Variants in KIRREL3 observed in about 807,000 individuals in gnomAD.
KIRREL3 encodes kin of IRRE-like protein 3.
Under a neutral mutation model 89.7 loss-of-function variants are expected in KIRREL3, and 36 were observed. That is an observed-to-expected ratio of 0.40 (90% confidence interval 0.31 to 0.53). The LOEUF (loss-of-function observed/expected upper bound fraction) is 0.53, where lower values mean the gene tolerates loss of function less well. Among genes scored for constraint, KIRREL3 ranks in the 20% least tolerant of loss-of-function variants. The pLI is 0.49. For synonymous variants in KIRREL3, 445 were observed against 441.4 expected (o/e 1.01, Z -0.10); for missense variants, 864 against 1,056.6 (o/e 0.82, Z 2.53).
chr11:126,951,019 A>G (rs187016349), intron 1 of KIRREL3, among the ~76,000 whole-genome samples: 1 of 152,386 alleles, frequency 6.6e-6, no homozygotes, highest in Admixed American at 6.5e-5. Context: ...GGATGTGGAC[A>G]GCAGACAGAA....
chr11:126,858,436 A>G (rs1338262606), intron 1 of KIRREL3, among the ~76,000 whole-genome samples: 2 of 152,168 alleles, frequency 1.3e-5, no homozygotes, highest in African/African-American at 2.4e-5. Context: ...TATGCTTGCC[A>G]TTGGGTGCTG....
In KIRREL3 at chr11:126,994,030, T is replaced by C. The variant is rs1466240665; in HGVS notation, c.55+6425A>G. ...TATACTGACATACATAGGCCATCCA[T>C]TGCAGTTTTAGTTTCAATTATCAAA... On this transcript the variant is annotated intron_variant, in intron 1 of 16. Coordinates refer to ENST00000525144, the MANE Select transcript of KIRREL3 (RefSeq NM_032531.4). The surrounding 1 kb of genome is among the most constrained non-coding windows in gnomAD (Gnocchi z 5.2). Among the ~76,000 whole-genome samples, 1 of 151,682 alleles carries C rather than the reference T, an allele frequency of 6.6e-6. No homozygotes were observed. The highest frequency in any genetic ancestry group is 1.9e-4 in the East Asian group (1 of 5,180).
In KIRREL3 at chr11:126,747,830, G is replaced by T. The variant is rs896361388; in HGVS notation, c.56-184918C>A. Among the ~76,000 whole-genome samples the T allele has an allele frequency of 2.0e-5, 3 of 152,070 alleles. No homozygotes were observed. Among genetic ancestry groups the T allele is most frequent in the African/African-American group, 7.2e-5 (3 of 41,388 alleles). On this transcript the variant is annotated intron_variant, in intron 1 of 16. Coordinates refer to ENST00000525144, the MANE Select transcript of KIRREL3 (RefSeq NM_032531.4). This position sits in a 1 kb window ranked among gnomAD's most constrained non-coding sequence, Gnocchi z 4.7. Reference sequence around the variant, plus strand: ...CCTCTGCTTGGCAGAGCTGTCCTTTGTAGAAGTGATTCTCAGTGGCCCTTG... The same window carrying T: ...CCTCTGCTTGGCAGAGCTGTCCTTTTTAGAAGTGATTCTCAGTGGCCCTTG...
In KIRREL3 at chr11:126,537,468, G is replaced by A. The variant is rs73633793; in HGVS notation, c.134-10781C>T. 6.4e-3 allele frequency among the ~76,000 whole-genome samples: 972 copies of A among 152,302 alleles called. 12 individuals are homozygous for A. The highest frequency in any genetic ancestry group is 0.022 in the African/African-American group (912 of 41,564). ...CCTGGAGGAGGAATCATAATATGGG[G>A]AAAGTAATGGAGGAGAAATGTCATT... On this transcript the variant is annotated intron_variant, in intron 2 of 16. Transcript: ENST00000525144. This position sits in a 1 kb window ranked among gnomAD's most constrained non-coding sequence, Gnocchi z 4.3.
At chr11:126,962,361 T>C (rs953294061) in intron 1 of KIRREL3, among the ~76,000 whole-genome samples, 3 of 152,156 alleles carry the variant, frequency 2.0e-5, no homozygotes, top group Admixed American at 6.5e-5. Context: ...ATTCCAATCC[T>C]CACGGATGAC....
intron 1 of KIRREL3, among the ~76,000 whole-genome samples, chr11:126,945,702 A>G (rs867833518): frequency 1.3e-5 from 2 of 152,098 alleles, no homozygotes; most frequent in African/African-American, 2.4e-5. Context: ...GTTTCCTTAT[A>G]ATGGCGGGAA....
rs1948948700 is a variant in KIRREL3, at chr11:126,740,611, C to T, written c.56-177699G>A. On this transcript the variant is annotated intron_variant, in intron 1 of 16. Transcript: ENST00000525144. The surrounding 1 kb of genome is among the most constrained non-coding windows in gnomAD (Gnocchi z 6.0). ...TCCCCTTTTGTCTTGAGAGGGAAGG[C>T]CAATAAGATAATAATCCCTTAGCTT... is the stretch of plus-strand genomic sequence containing the variant. 6.6e-6 allele frequency among the ~76,000 whole-genome samples: 1 copy of T among 151,968 alleles called. No individual in the cohort carries two copies. The highest frequency in any genetic ancestry group is 6.6e-5 in the Admixed American group (1 of 15,258).
chr11:126,631,821 T>A (rs1282882748), intron 1 of KIRREL3, among the ~76,000 whole-genome samples: 1 of 152,234 alleles, frequency 6.6e-6, no homozygotes, highest in Non-Finnish European at 1.5e-5. Flanking sequence ...TCTGTGAGGC[T>A]ATATAACTTC....
At chr11:126,502,216 G>C (rs766448883) in intron 4 of KIRREL3, among the ~76,000 whole-genome samples, 1 of 152,160 alleles carries the variant, frequency 6.6e-6, no homozygotes, top group Non-Finnish European at 1.5e-5. Context: ...CACTTGAAAA[G>C]GGTCTCACCT....
At chr11:126,702,193 G>C (rs1947337515) in intron 1 of KIRREL3, among the ~76,000 whole-genome samples, 1 of 152,176 alleles carries the variant, frequency 6.6e-6, no homozygotes, top group African/African-American at 2.4e-5. Context: ...TTGTAGACCT[G>C]TTGTGAGAAT....
chr11:126,734,895 G>T lies in KIRREL3; in HGVS notation c.56-171983C>A, dbSNP rs1810748836. Among the ~76,000 whole-genome samples, 1 of 152,164 alleles carries T rather than the reference G, an allele frequency of 6.6e-6. No homozygotes were observed. The highest frequency in any genetic ancestry group is 1.5e-5 in the Non-Finnish European group (1 of 68,026). On this transcript the variant is annotated intron_variant, in intron 1 of 16. Coordinates refer to ENST00000525144, the MANE Select transcript of KIRREL3 (RefSeq NM_032531.4). The surrounding 1 kb of genome is among the most constrained non-coding windows in gnomAD (Gnocchi z 5.9). The stretch of plus-strand genomic sequence containing the variant: ...GGGAGGACAGTGTTAATTGTGGCAG[G>T]ATGGGGTTTGTGGTTGGAACGGTGC...
intron 1 of KIRREL3, among the ~76,000 whole-genome samples, chr11:126,986,441 T>C (rs1949868583): frequency 6.6e-6 from 1 of 152,142 alleles, no homozygotes; most frequent in Non-Finnish European, 1.5e-5. Flanking sequence ...AAACAGAAAA[T>C]CTATCCTTTA....
At position 126,491,050 on chromosome 11, in the gene KIRREL3, T is replaced by C. The variant is rs545636530; in HGVS notation, c.434-17584A>G. On this transcript the variant is annotated intron_variant, in intron 4 of 16. Transcript: ENST00000525144. This position sits in a 1 kb window ranked among gnomAD's most constrained non-coding sequence, Gnocchi z 5.5. The stretch of plus-strand genomic sequence containing the variant: ...TCTGGATTTTGGGTCCATCCCGTAG[T>C]GGAAAGGGGTCCTATGTGAACAGAA... 6.6e-6 allele frequency among the ~76,000 whole-genome samples: 1 copy of C among 152,224 alleles called. No homozygotes were observed. The highest frequency in any genetic ancestry group is 1.9e-4 in the East Asian group (1 of 5,170).
rs1957042201 is a variant in KIRREL3, at chr11:126,475,625, G to GAGGCCTGCTCCCACACTAACA, written c.434-2160_434-2159insTGTTAGTGTGGGAGCAGGCCT. ...CCTCAGGCAACCCTGCCTGGCCCTG[G>GAGGCCTGCTCCCACACTAACA]GCTCTTGAGCCGGGAGGAAGCAGGC... On this transcript the variant is annotated intron_variant, in intron 4 of 16. Coordinates refer to ENST00000525144, the MANE Select transcript of KIRREL3 (RefSeq NM_032531.4). This position sits in a 1 kb window ranked among gnomAD's most constrained non-coding sequence, Gnocchi z 7.5. 6.6e-6 allele frequency among the ~76,000 whole-genome samples: 1 copy of GAGGCCTGCTCCCACACTAACA among 152,088 alleles called. No homozygotes were observed. Among genetic ancestry groups the GAGGCCTGCTCCCACACTAACA allele is most frequent in the Non-Finnish European group, 1.5e-5 (1 of 68,018 alleles).
At position 126,987,954 on chromosome 11, in the gene KIRREL3, C is replaced by T. The variant is rs1223100655; in HGVS notation, c.55+12501G>A. Among the ~76,000 whole-genome samples the T allele has an allele frequency of 3.3e-5, 5 of 152,168 alleles. No homozygotes were observed. Among genetic ancestry groups the T allele is most frequent in the African/African-American group, 1.2e-4 (5 of 41,446 alleles). ...GAAAAGAATCATAGGCTCTATGACA[C>T]TCAGGCTCTCCTACATTCTAAGAGT... On this transcript the variant is annotated intron_variant, in intron 1 of 16. Coordinates refer to ENST00000525144, the MANE Select transcript of KIRREL3 (RefSeq NM_032531.4). This position sits in a 1 kb window ranked among gnomAD's most constrained non-coding sequence, Gnocchi z 4.6.
At chr11:126,573,514 G>A (rs1941087038) in intron 1 of KIRREL3, among the ~76,000 whole-genome samples, 1 of 150,674 alleles carries the variant, frequency 6.6e-6, no homozygotes. Flanking sequence ...GTGGGGTTAG[G>A]AGAGGACCCA....
At chr11:126,885,690 T>C (rs2134737606) in intron 1 of KIRREL3, among the ~76,000 whole-genome samples, 1 of 152,350 alleles carries the variant, frequency 6.6e-6, no homozygotes, top group African/African-American at 2.4e-5. Flanking sequence ...CCTTCTTTTC[T>C]GAATAAGAGA....
intron 1 of KIRREL3, among the ~76,000 whole-genome samples, chr11:126,973,805 A>G (rs1283356193): frequency 2.0e-5 from 3 of 152,184 alleles, no homozygotes; most frequent in Non-Finnish European, 4.4e-5. Flanking sequence ...AATAAATGTT[A>G]GTTGCATTCA....
At chr11:126,895,894 C>A (rs1171617147) in intron 1 of KIRREL3, among the ~76,000 whole-genome samples, 1 of 152,228 alleles carries the variant, frequency 6.6e-6, no homozygotes, top group Non-Finnish European at 1.5e-5. Context: ...AATAAACACT[C>A]CTTGCAGCAC....
Sources: gnomAD v4.1 joint callset for allele counts (sites outside exome capture counted in the v4.1 genomes callset) on GRCh38, gnomAD v4.1.1 for gene constraint, Gnocchi (gnomAD v3.1) non-coding constraint, MANE v1.5 for transcripts, NCBI Gene and HGNC (gene_info 2026-07-23, HGNC 2026-07-21) for gene names.